CPS1: variants seen among roughly 807,000 people sequenced by gnomAD.
The protein encoded by CPS1 is carbamoyl-phosphate synthase [ammonia], mitochondrial.
Under a neutral mutation model 174.6 loss-of-function variants are expected in CPS1, and 109 were observed. That is an observed-to-expected ratio of 0.62 (90% CI 0.53 to 0.73). The LOEUF is 0.73. Ranked by LOEUF, CPS1 falls within the 30% of genes least tolerant of loss-of-function variation. The pLI is 0.00. For synonymous variants in CPS1, 637 were observed against 632.0 expected, an observed-to-expected ratio of 1.01 and a Z score of -0.12; for missense variants, 1,689 against 1,821.9, an observed-to-expected ratio of 0.93 and a Z score of 1.33.
At chr2:210,502,640 A>G (rs1695177344) in intron 1 of CPS1, among the ~76,000 whole-genome samples, 1 of 152,032 alleles carries the variant, frequency 6.6e-6, no homozygotes, top group Admixed American at 6.6e-5. Context: ...AGAAAAAAGC[A>G]AAGAGCAAAA....
intron 15 of CPS1, 117 bp from the exon 16 acceptor site, chr2:210,602,085 T>C: frequency 8.2e-7 from 1 of 1,225,690 alleles, no homozygotes; most frequent in Non-Finnish European, 1.2e-6. Context: ...ATAGAACATT[T>C]CTAGATTCAC....
intron 1 of CPS1, among the ~76,000 whole-genome samples, chr2:210,571,845 C>G (rs1284536563): frequency 2.0e-5 from 3 of 147,404 alleles, no homozygotes; most frequent in African/African-American, 7.5e-5. Context: ...TTCCTGCTGC[C>G]TACTAAAGTT....
intron 1 of CPS1, among the ~76,000 whole-genome samples, chr2:210,512,156 T>C (rs1006683017): frequency 6.6e-6 from 1 of 152,078 alleles, no homozygotes; most frequent in African/African-American, 2.4e-5. Flanking sequence ...ACATGGATGG[T>C]GACTTTTATG....
At chr2:210,555,832 T>G (rs535031974), upstream of CPS1, among the ~76,000 whole-genome samples, 15 of 152,136 alleles carry the variant, frequency 9.9e-5, no homozygotes, top group African/African-American at 3.6e-4. Flanking sequence ...CACTTTTTAT[T>G]CATGTTGAAA....
intron 1 of CPS1, among the ~76,000 whole-genome samples, chr2:210,484,704 C>A (rs962539055): frequency 7.2e-5 from 11 of 152,192 alleles, no homozygotes; most frequent in African/African-American, 2.7e-4. Flanking sequence ...ACTGCTCTTC[C>A]TTACCCCTCC....
chr2:210,492,636 AG>A (rs1481524581), intron 1 of CPS1, among the ~76,000 whole-genome samples: 1 of 152,032 alleles, frequency 6.6e-6, no homozygotes, highest in Non-Finnish European at 1.5e-5. Context: ...TTACATACTC[AG>A]GATATGTAGT....
chr2:210,651,409 ATGT>A (rs1235980952), intron 28 of CPS1, among the ~76,000 whole-genome samples: 1 of 152,230 alleles, frequency 6.6e-6, no homozygotes, highest in East Asian at 1.9e-4. Context: ...CTTTGAATTC[ATGT>A]TTGTGTGCAA....
chr2:210,634,420 A>G (rs1699970762), intron 21 of CPS1, among the ~76,000 whole-genome samples: 1 of 151,714 alleles, frequency 6.6e-6, no homozygotes, highest in Non-Finnish European at 1.5e-5. Flanking sequence ...ACAGAGCGAG[A>G]CTCCGTCTCA....
intron 1 of CPS1, among the ~76,000 whole-genome samples, chr2:210,535,564 G>A (rs1035572437): frequency 3.9e-5 from 6 of 152,020 alleles, no homozygotes; most frequent in African/African-American, 1.4e-4. Flanking sequence ...GTTTGTCTCA[G>A]CTACTGACTT....
At chr2:210,503,164 T>C (rs973109333) in intron 1 of CPS1, among the ~76,000 whole-genome samples, 1 of 152,122 alleles carries the variant, frequency 6.6e-6, no homozygotes, top group Non-Finnish European at 1.5e-5. Flanking sequence ...ACTGGTAACC[T>C]CTTCAAGGTT....
intron 1 of CPS1, among the ~76,000 whole-genome samples, chr2:210,520,636 C>A (rs1695797235): frequency 6.6e-6 from 1 of 151,968 alleles, no homozygotes. Context: ...GACTCTTGAT[C>A]TATTTCTGTC....
chr2:210,495,883 T>C (rs929964333), intron 1 of CPS1, among the ~76,000 whole-genome samples: 3 of 152,020 alleles, frequency 2.0e-5, no homozygotes, highest in Non-Finnish European at 4.4e-5. Context: ...TGTGTGTGTG[T>C]GCATGAAGGG....
intron 1 of CPS1, among the ~76,000 whole-genome samples, chr2:210,488,885 A>T (rs1055937078): frequency 5.9e-5 from 9 of 152,164 alleles, no homozygotes; most frequent in Non-Finnish European, 1.3e-4. Flanking sequence ...GTAAAAAAAA[A>T]ATCCTAAGTA....
rs10203439 is a variant in CPS1 at position 210,566,010 on chromosome 2, A to T, written c.127-7288A>T. On this transcript the variant is annotated intron_variant, in intron 1 of 37. Coordinates refer to ENST00000233072, the MANE Select transcript of CPS1 (RefSeq NM_001875.5). ...TTTTGATAAAGCCTTGGCCAACGGGATAGGAAGCTGCTGCCCACCAGACTT... is the reference window on the plus strand; with the variant it reads ...TTTTGATAAAGCCTTGGCCAACGGGTTAGGAAGCTGCTGCCCACCAGACTT... Among the ~76,000 whole-genome samples the T allele has an allele frequency of 5.2e-3, 785 of 152,248 alleles. 8 individuals carry two copies. The highest frequency in any genetic ancestry group is 0.018 in the African/African-American group (736 of 41,538).
chr2:210,659,983 T>A (rs1700862938), intron 31 of CPS1, among the ~76,000 whole-genome samples: 1 of 152,110 alleles, frequency 6.6e-6, no homozygotes, highest in South Asian at 2.1e-4. Flanking sequence ...AGATAGAACA[T>A]CATCTGTAAA....
intron 36 of CPS1, 109 bp from the exon 37 acceptor site, chr2:210,676,898 C>A: frequency 1.0e-6 from 1 of 1,002,570 alleles, no homozygotes. Flanking sequence ...TGGCAGTCAA[C>A]TCAGCATGGC....
chr2:210,590,975 A>G (rs1242237891), intron 9 of CPS1, 69 bp downstream of exon 9: 2 of 1,122,966 alleles, frequency 1.8e-6, no homozygotes, highest in African/African-American at 3.1e-5. Context: ...AAGAACTCAG[A>G]GCACTTACCT....
chr2:210,478,200 C>T lies in CPS1; in HGVS notation c.3+434C>T, dbSNP rs538348711. On this transcript the variant is annotated intron_variant, in intron 1 of 38. Transcript: ENST00000430249. ...AAACTGCTGGACTAGTTTATATTCC[C>T]TCTAACAGTATCTATTGTTCACTCC... Among the ~76,000 whole-genome samples, 5 of 152,282 alleles carry T rather than the reference C, an allele frequency of 3.3e-5. No homozygotes were observed. The East Asian group carries it at 9.7e-4, about 29-fold the overall frequency.
At chr2:210,630,231 C>T (rs1574616601) in intron 21 of CPS1, among the ~76,000 whole-genome samples, 1 of 152,148 alleles carries the variant, frequency 6.6e-6, no homozygotes, top group Non-Finnish European at 1.5e-5. Context: ...ATATTCAATA[C>T]TAAATGAGTG....
Sources: gnomAD v4.1 joint callset for allele counts (sites outside exome capture counted in the v4.1 genomes callset) on GRCh38, gnomAD v4.1.1 for gene constraint, MANE v1.5 for transcripts, NCBI Gene and HGNC (gene_info 2026-07-23, HGNC 2026-07-21) for gene names.